ARSB: variants seen among roughly 807,000 people sequenced by gnomAD.
ARSB encodes N-acetylgalactosamine-4-sulfatase.
In ARSB, 41 loss-of-function variants were observed where a neutral mutation model predicts 50.9. That is an observed-to-expected ratio of 0.81 (90% CI 0.63 to 1.04). The LOEUF is 1.04. ARSB is among the 50% of genes least tolerant of loss of function. The pLI is 0.00. For synonymous variants in ARSB, 269 were observed against 284.8 expected (o/e 0.94, Z 0.56); for missense variants, 672 against 693.3 (o/e 0.97, Z 0.35).
At chr5:78,863,645 A>G (rs936548478) in intron 5 of ARSB, among the ~76,000 whole-genome samples, 1 of 152,010 alleles carries the variant, frequency 6.6e-6, no homozygotes, top group Non-Finnish European at 1.5e-5. Context: ...ATTAAGAGAA[A>G]TACCTATTGT....
In ARSB at chr5:78,781,840, T is replaced by C. The variant is rs752116762; in HGVS notation, c.1336+12A>G. 3 of 1,613,904 alleles carry C rather than the reference T, an allele frequency of 1.9e-6. No homozygotes were observed. The highest frequency in any genetic ancestry group is 2.5e-6 in the Non-Finnish European group (3 of 1,179,918). ...CCACGGGAAGGGAAGTTTGCTAAGC[T>C]AAGGACTCTACCTGGGTAGCCCGTG... On this transcript the variant is annotated intron_variant, in intron 7 of 7. Coordinates refer to ENST00000264914, the MANE Select transcript of ARSB (RefSeq NM_000046.5).
chr5:78,783,566 A>T (rs1260298640), intron 6 of ARSB: 2 of 152,156 alleles, frequency 1.3e-5, no homozygotes, highest in East Asian at 3.9e-4. Flanking sequence ...TGGCTCCAAT[A>T]CAAATGGATA....
intron 5 of ARSB, among the ~76,000 whole-genome samples, chr5:78,873,839 A>G (rs1747359263): frequency 6.6e-6 from 1 of 152,214 alleles, no homozygotes; most frequent in Non-Finnish European, 1.5e-5. Context: ...GAAGATCTGA[A>G]TATACAAAGT....
chr5:78,784,629 G>C (rs55698149), intron 6 of ARSB, among the ~76,000 whole-genome samples: 30,386 of 151,942 alleles, frequency 0.2, 3,477 homozygotes, highest in African/African-American at 0.31. Context: ...TTGATAACTT[G>C]TATTTTATTA....
chr5:78,814,824 C>T (rs2112663599), intron 6 of ARSB, among the ~76,000 whole-genome samples: 1 of 150,796 alleles, frequency 6.6e-6, no homozygotes, highest in Non-Finnish European at 1.5e-5. Context: ...CAAAATATAG[C>T]TGAGAGATCC....
chr5:78,909,914 T>C (rs1749231232), intron 4 of ARSB, among the ~76,000 whole-genome samples: 1 of 152,228 alleles, frequency 6.6e-6, no homozygotes, highest in African/African-American at 2.4e-5. Context: ...TGTACATTTG[T>C]TCAATTCTGA....
At chr5:78,799,750 A>G (rs1356503542) in intron 6 of ARSB, among the ~76,000 whole-genome samples, 1 of 152,226 alleles carries the variant, frequency 6.6e-6, no homozygotes, top group Non-Finnish European at 1.5e-5. Flanking sequence ...GGTACCCTAC[A>G]AAGGTGTAGG....
chr5:78,968,279 C>T (rs1162695618), intron 2 of ARSB, among the ~76,000 whole-genome samples: 1 of 150,302 alleles, frequency 6.7e-6, no homozygotes, highest in East Asian at 1.9e-4. Context: ...GAAAAAAACA[C>T]ACCAAACCTT....
intron 6 of ARSB, among the ~76,000 whole-genome samples, chr5:78,833,374 T>C (rs1744780805): frequency 7.0e-6 from 1 of 142,868 alleles, no homozygotes; most frequent in Non-Finnish European, 1.5e-5. Flanking sequence ...GAATAAATAA[T>C]TCTTAGGAGT....
At chr5:78,843,517 T>TTGGGC (rs1745317766) in intron 5 of ARSB, among the ~76,000 whole-genome samples, 1 of 152,216 alleles carries the variant, frequency 6.6e-6, no homozygotes, top group East Asian at 1.9e-4. Context: ...AGCCTGGGCA[T>TTGGGC]AAAGATTTAT....
chr5:78,896,753 T>C (rs1222939388), intron 4 of ARSB, among the ~76,000 whole-genome samples: 1 of 152,230 alleles, frequency 6.6e-6, no homozygotes, highest in Non-Finnish European at 1.5e-5. Context: ...AGTTTGTTTC[T>C]ATAACATGCC....
At chr5:78,858,756 A>G (rs1217214491) in intron 5 of ARSB, among the ~76,000 whole-genome samples, 4 of 152,238 alleles carry the variant, frequency 2.6e-5, no homozygotes, top group African/African-American at 7.2e-5. Flanking sequence ...TCCACAGGGT[A>G]ATGTCCGACC....
At chr5:78,834,674 C>T (rs1290351931) in intron 6 of ARSB, among the ~76,000 whole-genome samples, 1 of 138,650 alleles carries the variant, frequency 7.2e-6, no homozygotes, top group African/African-American at 2.7e-5. Context: ...CATCCATTCA[C>T]TGATGGACAT....
At chr5:78,847,602 T>C (rs936378572) in intron 5 of ARSB, among the ~76,000 whole-genome samples, 1 of 152,214 alleles carries the variant, frequency 6.6e-6, no homozygotes, top group African/African-American at 2.4e-5. Flanking sequence ...AAGAATTCCC[T>C]CCTCTTCAAT....
In ARSB at chr5:78,781,882, C is replaced by T. The variant is rs755021848; in HGVS notation, c.1306G>A (p.Gly436Arg). ...TAGCCCGTGAGGAGTTTCCAATTTCCATGTCTAATTGCAGCATGGACAGAT... is the reference window on the plus strand; with the variant it reads ...TAGCCCGTGAGGAGTTTCCAATTTCTATGTCTAATTGCAGCATGGACAGAT... The part of the protein sequence containing the change: ...NTSVHAAIRH[G>R]NWKLLTGYPG... Residue 436 changes from glycine (G) to arginine (R), a missense_variant, in exon 7 of 8, where the codon GGA becomes AGA. Coordinates refer to ENST00000264914, the MANE Select transcript of ARSB (RefSeq NM_000046.5). 2.5e-6 allele frequency: 4 copies of T among 1,614,074 alleles called. No homozygotes were observed. The highest frequency in any genetic ancestry group is 3.4e-6 in the Non-Finnish European group (4 of 1,179,970).
At chr5:78,924,776 T>C (rs1255361065) in intron 4 of ARSB, among the ~76,000 whole-genome samples, 2 of 152,240 alleles carry the variant, frequency 1.3e-5, no homozygotes, top group African/African-American at 4.8e-5. Flanking sequence ...GCAAGGAGAA[T>C]GTGCTTCAGG....
chr5:78,955,502 G>T lies in ARSB; in HGVS notation c.691C>A (p.Pro231Thr). Residue 231 changes from proline (P) to threonine (T), a missense_variant and splice_region_variant, in exon 4 of 8, where the codon CCT becomes ACT. Physicochemically the swap from Pro to Thr is conservative, Grantham distance 38 (BLOSUM62 -1). Coordinates refer to ENST00000264914, the MANE Select transcript of ARSB (RefSeq NM_000046.5). ...TGGAGAGCAAGGTAGAGAAACAGAG[G>T]CTGGAAAGAAAGTTTGTGCAAACCA... Reference protein sequence around the residue: ...ALITNHPPEKPLFLYLALQSV... With the variant: ...ALITNHPPEKTLFLYLALQSV... 6.2e-7 allele frequency: 1 copy of T among 1,613,830 alleles called. No individual in the cohort carries two copies. Among genetic ancestry groups the T allele is most frequent in the East Asian group, 2.2e-5 (1 of 44,880 alleles).
chr5:78,895,102 C>T (rs768700137), intron 4 of ARSB, among the ~76,000 whole-genome samples: 10 of 152,192 alleles, frequency 6.6e-5, no homozygotes, highest in Non-Finnish European at 8.8e-5. Context: ...ATAGGCACCA[C>T]GAAGTCCATG....
intron 6 of ARSB, among the ~76,000 whole-genome samples, chr5:78,787,822 T>C (rs910834659): frequency 2.6e-5 from 4 of 152,138 alleles, no homozygotes; most frequent in African/African-American, 7.2e-5. Flanking sequence ...ATTGGAGCTA[T>C]AGGACTGGCC....
Sources: gnomAD v4.1 joint callset for allele counts (sites outside exome capture counted in the v4.1 genomes callset) on GRCh38, gnomAD v4.1.1 for gene constraint, MANE v1.5 for transcripts, NCBI Gene and HGNC (gene_info 2026-07-23, HGNC 2026-07-21) for gene names.